The following EPHB1 variants were observed in gnomAD, a reference collection of about 807,000 sequenced individuals.
EPHB1 encodes the protein ephrin type-B receptor 1.
EPHB1 carries 30 observed loss-of-function variants against 94.4 expected under a neutral mutation model. The ratio of observed to expected loss-of-function variants is 0.32; its 90% confidence interval spans 0.24 to 0.43. EPHB1 has a LOEUF of 0.43. EPHB1 is among the 20% of genes least tolerant of loss of function. The probability of loss-of-function intolerance (pLI) is 1.00; values close to 1 mark genes in which losing one functional copy is unlikely to be tolerated. For missense variants in EPHB1, 1,055 were observed against 1,308.3 expected, an observed-to-expected ratio of 0.81 and a Z score of 2.99; for synonymous variants, 522 against 489.1, an observed-to-expected ratio of 1.07 and a Z score of -0.89.
intron 12 of EPHB1, among the ~76,000 whole-genome samples, chr3:135,217,265 G>A (rs1165333063): frequency 1.3e-5 from 2 of 152,020 alleles, no homozygotes; most frequent in African/African-American, 2.4e-5. Context: ...AGGCATCACC[G>A]TGTCCACACT....
At chr3:134,847,573 G>A (rs1163189418) in intron 1 of EPHB1, among the ~76,000 whole-genome samples, 1 of 152,200 alleles carries the variant, frequency 6.6e-6, no homozygotes, top group Non-Finnish European at 1.5e-5. Flanking sequence ...AATCAGCCTT[G>A]TTTGAAGACC....
intron 3 of EPHB1, among the ~76,000 whole-genome samples, chr3:135,005,708 G>T (rs866968532): frequency 6.6e-6 from 1 of 152,226 alleles, no homozygotes; most frequent in Non-Finnish European, 1.5e-5. Flanking sequence ...TCGGGTGGGA[G>T]TGTCCCGATT....
chr3:134,900,340 T>A (rs183723681), intron 1 of EPHB1, among the ~76,000 whole-genome samples: 1 of 152,230 alleles, frequency 6.6e-6, no homozygotes, highest in East Asian at 1.9e-4. Flanking sequence ...TTATTTTTAT[T>A]TTTTTTGTAG....
At chr3:135,140,648 C>T (rs897896189) in intron 5 of EPHB1, among the ~76,000 whole-genome samples, 2 of 152,146 alleles carry the variant, frequency 1.3e-5, no homozygotes, top group Non-Finnish European at 2.9e-5. Context: ...GTGCACTGCA[C>T]CCCCAAACCA....
At chr3:135,104,163 G>A (rs964606788) in intron 3 of EPHB1, among the ~76,000 whole-genome samples, 1 of 152,178 alleles carries the variant, frequency 6.6e-6, no homozygotes, top group African/African-American at 2.4e-5. Flanking sequence ...ACAGGCCTGG[G>A]ATTTGTCTGT....
At chr3:135,017,375 G>A (rs144643582) in intron 3 of EPHB1, among the ~76,000 whole-genome samples, 1 of 152,330 alleles carries the variant, frequency 6.6e-6, no homozygotes, top group Non-Finnish European at 1.5e-5. Flanking sequence ...AAATGTGTAG[G>A]AAACTGAGAA....
chr3:134,910,927 G>A (rs1296862847), intron 1 of EPHB1, among the ~76,000 whole-genome samples: 1 of 152,250 alleles, frequency 6.6e-6, no homozygotes, highest in Non-Finnish European at 1.5e-5. Context: ...AACTGGGACA[G>A]AAAAGCTATT....
At chr3:135,243,755 G>C (rs781243861) in intron 13 of EPHB1, among the ~76,000 whole-genome samples, 3 of 152,188 alleles carry the variant, frequency 2.0e-5, no homozygotes, top group Non-Finnish European at 4.4e-5. Flanking sequence ...CCGGTAATTA[G>C]GCTTCCAGAG....
chr3:134,821,434 A>G (rs932764505), intron 1 of EPHB1, among the ~76,000 whole-genome samples: 2 of 143,024 alleles, frequency 1.4e-5, no homozygotes, highest in Non-Finnish European at 2.9e-5. Flanking sequence ...AATGATAGTA[A>G]AATGGTAAAA....
At chr3:135,019,188 A>C (rs1935907009) in intron 3 of EPHB1, among the ~76,000 whole-genome samples, 1 of 152,134 alleles carries the variant, frequency 6.6e-6, no homozygotes, top group African/African-American at 2.4e-5. Context: ...CCACAGCAGT[A>C]GGCTTGTTGG....
At chr3:134,856,774 A>G (rs1279167495) in intron 1 of EPHB1, among the ~76,000 whole-genome samples, 8 of 152,274 alleles carry the variant, frequency 5.3e-5, no homozygotes. Context: ...ACATACTGGA[A>G]TAAGTAAACT....
chr3:134,905,374 C>T (rs915723616), intron 1 of EPHB1, among the ~76,000 whole-genome samples: 8 of 152,222 alleles, frequency 5.3e-5, no homozygotes, highest in Non-Finnish European at 1.2e-4. Context: ...AGCCACTCCC[C>T]GCCACACCTT....
At chr3:135,209,248 G>C (rs574371688) in intron 12 of EPHB1, among the ~76,000 whole-genome samples, 71 of 152,198 alleles carry the variant, frequency 4.7e-4, no homozygotes, top group African/African-American at 1.7e-3. Flanking sequence ...AAACATAAAT[G>C]GATGCTTAAA....
chr3:134,960,142 A>G (rs1453946342), intron 3 of EPHB1, among the ~76,000 whole-genome samples: 4 of 151,692 alleles, frequency 2.6e-5, no homozygotes, highest in Non-Finnish European at 5.9e-5. Flanking sequence ...TTCTGTTTCC[A>G]CTGCTTTGGG....
chr3:134,865,871 A>G (rs1482092201), intron 1 of EPHB1, among the ~76,000 whole-genome samples: 2 of 152,218 alleles, frequency 1.3e-5, no homozygotes, highest in Non-Finnish European at 2.9e-5. Context: ...AAACGGTTGG[A>G]TATTGGGAAA....
At chr3:134,979,063 T>A (rs754110710) in intron 3 of EPHB1, among the ~76,000 whole-genome samples, 1 of 152,218 alleles carries the variant, frequency 6.6e-6, no homozygotes, top group Non-Finnish European at 1.5e-5. Flanking sequence ...ATGTGGCTTA[T>A]AAAAGCTTCC....
At position 135,162,160 on chromosome 3, in the gene EPHB1, G is replaced by A. The variant is rs1005169615; in HGVS notation, c.1565G>A (p.Cys522Tyr). Reference protein sequence around the residue: ...AGYGKFSGKMCFQTLTDDDYK... With the variant: ...AGYGKFSGKMYFQTLTDDDYK... Reference sequence around the variant, plus strand: ...TACGGCAAGTTCAGTGGCAAGATGTGCTTCCAGACTCTGACTGACGGTAAG... The same window carrying A: ...TACGGCAAGTTCAGTGGCAAGATGTACTTCCAGACTCTGACTGACGGTAAG... The change falls in exon 7 of 16, where the codon TGC becomes TAC. Residue 522 changes from cysteine (C) to tyrosine (Y), a missense_variant. Physicochemically the swap from Cys to Tyr is radical, Grantham distance 194 (BLOSUM62 -2). Transcript: ENST00000398015. 6.8e-6 allele frequency: 11 copies of A among 1,608,334 alleles called. No homozygotes were observed. The African/African-American group carries it at 1.1e-4, about 16-fold the overall frequency.
chr3:135,176,367 C>T (rs912496393), intron 9 of EPHB1, among the ~76,000 whole-genome samples: 2 of 152,176 alleles, frequency 1.3e-5, no homozygotes, highest in Non-Finnish European at 2.9e-5. Flanking sequence ...TCAGGGGAAA[C>T]GAGTACTGAG....
chr3:134,821,994 G>C (rs934658092), intron 1 of EPHB1, among the ~76,000 whole-genome samples: 3 of 152,206 alleles, frequency 2.0e-5, no homozygotes, highest in Non-Finnish European at 2.9e-5. Context: ...TAAACGCAAA[G>C]TGAAAGACAA....
Sources: allele counts gnomAD v4.1 joint callset (sites outside exome capture counted in the v4.1 genomes callset), GRCh38; gene constraint gnomAD v4.1.1; transcripts MANE v1.5; gene names NCBI Gene and HGNC (gene_info 2026-07-23, HGNC 2026-07-21).